The following ORAI2 variants were observed in gnomAD, a reference collection of about 807,000 sequenced individuals.
ORAI2 encodes ORAI calcium release-activated calcium modulator 2.
A neutral mutation model predicts 16.2 loss-of-function variants in ORAI2; 10 were observed. That is an observed-to-expected ratio of 0.62 (90% CI 0.38 to 1.04). The LOEUF is 1.04. Among genes scored for constraint, ORAI2 ranks in the 50% least tolerant of loss-of-function variants. The probability of loss-of-function intolerance (pLI) is 0.01; values close to 1 mark genes in which losing one functional copy is unlikely to be tolerated. For missense variants in ORAI2, 238 were observed against 355.5 expected (o/e 0.67, Z 2.66); for synonymous variants, 150 against 157.5 (o/e 0.95, Z 0.35).
At chr7:102,437,935 G>C (rs1797101559) in intron 2 of ORAI2, among the ~76,000 whole-genome samples, 1 of 152,100 alleles carries the variant, frequency 6.6e-6, no homozygotes, top group African/African-American at 2.4e-5. Context: ...TATGGTCCTA[G>C]CTCCTCAGAA....
At chr7:102,445,983 G>A (rs1448468463) in intron 3 of ORAI2, among the ~76,000 whole-genome samples, 3 of 138,742 alleles carry the variant, frequency 2.2e-5, no homozygotes, top group Non-Finnish European at 4.7e-5. Context: ...GAGTCTCACT[G>A]TGTCACCCAG....
chr7:102,452,917 C>G lies in ORAI2; in HGVS notation c.*5865C>G, dbSNP rs1413228126. On this transcript the variant is annotated 3_prime_UTR_variant, in exon 4 of 4. Transcript: ENST00000495936. ...CTCCACTTCCCAGGTTCAAGCAATT[C>G]TTCTGCCAAGCTGGGACTACAGGCA... 1 of 151,590 alleles carries G rather than the reference C, an allele frequency of 6.6e-6. No individual in the cohort carries two copies. Among genetic ancestry groups the G allele is most frequent in the African/African-American group, 2.4e-5 (1 of 41,194 alleles). 9.4% of individuals were successfully genotyped at this position (151,590 alleles called of 1,614,324 possible).
At chr7:102,434,911 C>T (rs1007442803) in intron 1 of ORAI2, 25 of 152,224 alleles carry the variant, frequency 1.6e-4, no homozygotes, top group African/African-American at 5.3e-4. Context: ...GTGGCCTTCC[C>T]GTCTCTCGGA....
intron 3 of ORAI2, 52 bp downstream of exon 3, chr7:102,439,233 C>T: frequency 6.6e-7 from 1 of 1,510,340 alleles, no homozygotes; most frequent in South Asian, 1.1e-5. Context: ...GCTTTGCTAA[C>T]TGAGGTCCCG....
chr7:102,450,905 A>G lies in ORAI2; in HGVS notation c.*3853A>G, dbSNP rs994876172. ...AGCCTGATTTTGAAGAGTATTTAAGAACAGAGGGCTCCAGACCAGGTGTGG... is the reference window on the plus strand; with the variant it reads ...AGCCTGATTTTGAAGAGTATTTAAGGACAGAGGGCTCCAGACCAGGTGTGG... On this transcript the variant is annotated 3_prime_UTR_variant, in exon 4 of 4. Coordinates refer to ENST00000495936, the MANE Select transcript of ORAI2 (RefSeq NM_001126340.3). The G allele has an allele frequency of 6.6e-6, 1 of 152,166 alleles. No individual in the cohort carries two copies. Among genetic ancestry groups the G allele is most frequent in the Non-Finnish European group, 1.5e-5 (1 of 68,066 alleles). The allele number at this position is 152,166 out of a possible 1,614,324, so 9.4% of individuals were successfully genotyped here.
At chr7:102,437,267 G>A (rs1257980339) in intron 2 of ORAI2, among the ~76,000 whole-genome samples, 1 of 152,152 alleles carries the variant, frequency 6.6e-6, no homozygotes, top group Non-Finnish European at 1.5e-5. Flanking sequence ...GCTTGGATGT[G>A]GCTTTAGTTA....
intron 3 of ORAI2, among the ~76,000 whole-genome samples, chr7:102,445,891 TTC>T (rs886556542): frequency 1.8e-5 from 2 of 113,588 alleles, no homozygotes; most frequent in African/African-American, 5.8e-5. Flanking sequence ...CTCTCTTTCT[TTC>T]TCTCTTTCTC....
Position 102,447,179 on chromosome 7 carries a change from T to C in ORAI2, c.*127T>C. ...GACCAAAGTTTTCCTCTTGTCTTAA[T>C]ACCATAAGGACTGGATGACTTCTCC... On this transcript the variant is annotated 3_prime_UTR_variant, in exon 4 of 4. Coordinates refer to ENST00000495936, the MANE Select transcript of ORAI2 (RefSeq NM_001126340.3). The C allele has an allele frequency of 9.7e-7, 1 of 1,030,560 alleles. No homozygotes were observed. Among genetic ancestry groups the C allele is most frequent in the Non-Finnish European group, 1.4e-6 (1 of 729,910 alleles). The allele number at this position is 1,030,560 out of a possible 1,614,324, so 63.8% of individuals were successfully genotyped here.
chr7:102,442,914 G>T (rs1797243829), intron 3 of ORAI2, among the ~76,000 whole-genome samples: 1 of 151,402 alleles, frequency 6.6e-6, no homozygotes, highest in African/African-American at 2.4e-5. Flanking sequence ...CAGCTATTGG[G>T]GAGACTGAGG....
chr7:102,436,510 C>G (rs773979738), intron 2 of ORAI2, among the ~76,000 whole-genome samples, 177 bp downstream of exon 2: 1 of 151,902 alleles, frequency 6.6e-6, no homozygotes, highest in Non-Finnish European at 1.5e-5. Context: ...ATGGGGGGCT[C>G]GACTCTGGCA....
chr7:102,454,755 G>C lies in ORAI2; in HGVS notation c.*7703G>C, dbSNP rs1354421434. 1 of 152,332 alleles carries C rather than the reference G, an allele frequency of 6.6e-6. No homozygotes were observed. The highest frequency in any genetic ancestry group is 1.5e-5 in the Non-Finnish European group (1 of 68,120). The allele number at this position is 152,332 out of a possible 1,614,324, so 9.4% of individuals were successfully genotyped here. On this transcript the variant is annotated 3_prime_UTR_variant, in exon 4 of 4. Transcript: ENST00000495936. ...ACCATCCCCTTGCTTGAAGCTCCAA[G>C]AGCATGAGAGTGGGCAGCCTGGTCT...
At chr7:102,438,720 G>A (rs774614337) in intron 2 of ORAI2, among the ~76,000 whole-genome samples, 16 of 151,406 alleles carry the variant, frequency 1.1e-4, no homozygotes, top group Non-Finnish European at 1.5e-4. Flanking sequence ...TTCCAATGAG[G>A]TGAGATTGCC....
chr7:102,446,618 G>A lies in ORAI2; in HGVS notation c.331G>A (p.Ala111Thr), dbSNP rs779595593. ...GGTGCTGGTGGCCGTGCACCTGTTC[G>A]CCCTCCTCATCAGCACCTGCATCCT... is the stretch of plus-strand genomic sequence containing the variant. ...TTVLVAVHLF[A>T]LLISTCILPN... The change falls in exon 4 of 4, where the codon GCC becomes ACC. Residue 111 changes from alanine to threonine, a missense_variant. Physicochemically the swap from Ala to Thr is moderately conservative, Grantham distance 58 (BLOSUM62 0). Around this residue, in one of 3 missense-constraint regions of ORAI2, gnomAD observed 176 missense variants for 265.9 expected, o/e 0.66. Transcript: ENST00000495936. 14 of 1,613,870 alleles carry A rather than the reference G, an allele frequency of 8.7e-6. No homozygotes were observed. The highest frequency in any genetic ancestry group is 1.7e-5 in the Admixed American group (1 of 60,032).
intron 3 of ORAI2, among the ~76,000 whole-genome samples, chr7:102,442,977 G>A (rs888383717): frequency 4.0e-5 from 6 of 150,068 alleles, no homozygotes; most frequent in Admixed American, 6.6e-5. Flanking sequence ...CCGAGACAGC[G>A]CCACTGCACT....
At chr7:102,444,915 C>T (rs1419461762) in intron 3 of ORAI2, among the ~76,000 whole-genome samples, 1 of 152,100 alleles carries the variant, frequency 6.6e-6, no homozygotes, top group African/African-American at 2.4e-5. Flanking sequence ...GATCCACCCA[C>T]CTCGGCCTCC....
Position 102,438,974 on chromosome 7 carries a change from C to T in ORAI2, c.18C>T (p.Asn6=), listed in dbSNP as rs151321324. The T allele has an allele frequency of 8.5e-4, 1,376 of 1,613,968 alleles. 8 individuals are homozygous for T. In the African/African-American group the frequency reaches 0.016, roughly 19 times the overall value. MSAEL[N]VPIDPSAPAC... is the part of the protein sequence containing the mutation. The stretch of plus-strand genomic sequence containing the variant: ...CTCCCACCATGAGTGCTGAGCTTAA[C>T]GTGCCTATCGACCCCTCTGCTCCTG... Residue 6 remains asparagine (N), a synonymous_variant, in exon 3 of 4, where the codon AAC becomes AAT. Transcript: ENST00000495936.
At position 102,438,999 on chromosome 7, in the gene ORAI2, G is replaced by T; in HGVS notation, c.43G>T (p.Ala15Ser). Residue 15 changes from alanine (A) to serine (S), a missense_variant, in exon 3 of 4, where the codon GCC becomes TCC. Ala to Ser is a moderately conservative substitution (Grantham distance 99). This residue lies in a region of ORAI2 where 61 missense variants were observed against 72.7 expected (regional missense o/e 0.84). Transcript: ENST00000495936. Reference protein sequence around the residue: ...LNVPIDPSAPACPEPGHKGMD... With the variant: ...LNVPIDPSAPSCPEPGHKGMD... ...CGTGCCTATCGACCCCTCTGCTCCT[G>T]CCTGCCCTGAGCCCGGCCATAAGGG... 1 of 1,613,924 alleles carries T rather than the reference G, an allele frequency of 6.2e-7. No individual in the cohort carries two copies.
chr7:102,434,264 C>T (rs1797002991), intron 1 of ORAI2, among the ~76,000 whole-genome samples: 1 of 151,998 alleles, frequency 6.6e-6, no homozygotes. Flanking sequence ...GAGGCCCAGA[C>T]TCTGTCCCTC....
intron 3 of ORAI2, among the ~76,000 whole-genome samples, chr7:102,442,275 G>A (rs979574456): frequency 3.9e-5 from 6 of 151,962 alleles, no homozygotes; most frequent in African/African-American, 9.7e-5. Context: ...AAGGAGGGCC[G>A]GGCGCCATGG....
Sources: allele counts gnomAD v4.1 joint callset (sites outside exome capture counted in the v4.1 genomes callset), GRCh38; gene constraint gnomAD v4.1.1; regional missense constraint gnomAD v4.1.1; transcripts MANE v1.5; gene names NCBI Gene and HGNC (gene_info 2026-07-23, HGNC 2026-07-21).